Variants in MYO1D observed in about 807,000 individuals in gnomAD.
The protein encoded by MYO1D is unconventional myosin-Id.
In MYO1D, 83 loss-of-function variants were observed where a neutral mutation model predicts 122.0. The observed-to-expected ratio is 0.68, with a 90% CI of 0.57 to 0.82. The LOEUF (loss-of-function observed/expected upper bound fraction) is 0.82. Among genes scored for constraint, MYO1D ranks in the 40% least tolerant of loss-of-function variants. MYO1D has a pLI of 0.00. For missense variants in MYO1D, 1,157 were observed against 1,269.5 expected, an observed-to-expected ratio of 0.91 and a Z score of 1.35; for synonymous variants, 464 against 446.9, an observed-to-expected ratio of 1.04 and a Z score of -0.48.
intron 1 of MYO1D, among the ~76,000 whole-genome samples, chr17:32,830,954 G>A (rs916882418): frequency 6.6e-5 from 10 of 152,056 alleles, no homozygotes; most frequent in Non-Finnish European, 1.3e-4. Flanking sequence ...TACTTGGGAG[G>A]CTGAGGCAGG....
intron 12 of MYO1D, among the ~76,000 whole-genome samples, chr17:32,747,034 TG>T (rs1179457433): frequency 6.6e-6 from 1 of 152,206 alleles, no homozygotes; most frequent in Non-Finnish European, 1.5e-5. Context: ...TGTATAGTAC[TG>T]GATCTTCCCT....
intron 16 of MYO1D, among the ~76,000 whole-genome samples, chr17:32,675,047 G>A (rs945222525): frequency 8.5e-5 from 13 of 152,140 alleles, no homozygotes; most frequent in African/African-American, 2.9e-4. Context: ...TTTTTCAACA[G>A]TACAAGTTTA....
At chr17:32,501,540 G>A (rs1191242373) in intron 21 of MYO1D, among the ~76,000 whole-genome samples, 1 of 152,152 alleles carries the variant, frequency 6.6e-6, no homozygotes, top group Non-Finnish European at 1.5e-5. Context: ...CGACACAGTT[G>A]TCCATGCTTC....
chr17:32,876,867 C>T lies in MYO1D; in HGVS notation c.6G>A (p.Ala2=). ...TGCCGAATTCCAGGCTCTCCTGCTCCGCCATGGCGCCAGCGCGGGGGCTCA... is the reference window on the plus strand; with the variant it reads ...TGCCGAATTCCAGGCTCTCCTGCTCTGCCATGGCGCCAGCGCGGGGGCTCA... M[A]EQESLEFGKA... is the part of the protein sequence containing the mutation. Residue 2 remains alanine, a synonymous_variant, in exon 1 of 22, where the codon GCG becomes GCA. Transcript: ENST00000318217. 6.7e-7 allele frequency: 1 copy of T among 1,486,384 alleles called. No individual in the cohort carries two copies. The highest frequency in any genetic ancestry group is 9.0e-7 in the Non-Finnish European group (1 of 1,113,316). The allele number at this position is 1,486,384 out of a possible 1,614,324, so 92.1% of individuals were successfully genotyped here.
rs186040850 is a variant in MYO1D at position 32,872,572 on chromosome 17, C to A, written c.95+4206G>T. 5.8e-3 allele frequency among the ~76,000 whole-genome samples: 878 copies of A among 151,718 alleles called. 8 individuals carry two copies. Among genetic ancestry groups the A allele is most frequent in the Middle Eastern group, 0.038 (11 of 290 alleles). ...TACAGGCGTGAGCCACCGCGCCCGGCCGCAGGTTTTGTTATAAAGCAAGAA... is the reference window on the plus strand; with the variant it reads ...TACAGGCGTGAGCCACCGCGCCCGGACGCAGGTTTTGTTATAAAGCAAGAA... On this transcript the variant is annotated intron_variant, in intron 1 of 21. Transcript: ENST00000318217.
chr17:32,653,756 G>T, intron 19 of MYO1D, 87 bp downstream of exon 19: 1 of 1,129,632 alleles, frequency 8.9e-7, no homozygotes, highest in Non-Finnish European at 1.3e-6. Flanking sequence ...TGTACCTACT[G>T]TTATGTTTTA....
At chr17:32,687,169 C>T (rs951875851) in intron 16 of MYO1D, among the ~76,000 whole-genome samples, 3 of 149,652 alleles carry the variant, frequency 2.0e-5, no homozygotes, top group Non-Finnish European at 4.4e-5. Flanking sequence ...GCTAGTACCA[C>T]AGGCAAGGGC....
intron 21 of MYO1D, among the ~76,000 whole-genome samples, chr17:32,506,322 A>C (rs1386821645): frequency 6.6e-6 from 1 of 152,236 alleles, no homozygotes; most frequent in Non-Finnish European, 1.5e-5. Flanking sequence ...ATCCTGGATA[A>C]CAGCAGCATG....
intron 1 of MYO1D, among the ~76,000 whole-genome samples, chr17:32,814,487 G>A (rs994658781): frequency 1.3e-5 from 2 of 152,130 alleles, no homozygotes; most frequent in Admixed American, 6.5e-5. Flanking sequence ...CTTATAAAAC[G>A]GTGTGAGAGG....
At chr17:32,813,429 T>C (rs9892149) in intron 1 of MYO1D, among the ~76,000 whole-genome samples, 5,470 of 152,208 alleles carry the variant, frequency 0.036, 321 homozygotes, top group African/African-American at 0.12. Flanking sequence ...GAGAAGGTGA[T>C]CCCAGAAGTA....
intron 1 of MYO1D, among the ~76,000 whole-genome samples, chr17:32,850,227 A>G (rs1324023414): frequency 6.6e-6 from 1 of 152,198 alleles, no homozygotes; most frequent in Non-Finnish European, 1.5e-5. Context: ...GATGTCACTC[A>G]AGACCATGTA....
chr17:32,542,003 C>G (rs1910851250), intron 21 of MYO1D, among the ~76,000 whole-genome samples: 1 of 152,146 alleles, frequency 6.6e-6, no homozygotes, highest in South Asian at 2.1e-4. Context: ...TAGCTCTTTC[C>G]AGGAAGCTCC....
At chr17:32,822,532 G>A (rs1416761145) in intron 1 of MYO1D, among the ~76,000 whole-genome samples, 13 of 143,548 alleles carry the variant, frequency 9.1e-5, no homozygotes, top group Non-Finnish European at 4.7e-5. Context: ...CCTCCTCCCC[G>A]TTCACTGCCG....
chr17:32,723,218 T>C (rs1330253645), intron 14 of MYO1D, among the ~76,000 whole-genome samples: 1 of 152,130 alleles, frequency 6.6e-6, no homozygotes, highest in African/African-American at 2.4e-5. Flanking sequence ...GTCATGGGAA[T>C]CCTCAAATTT....
intron 2 of MYO1D, among the ~76,000 whole-genome samples, chr17:32,779,730 C>T (rs1330488113): frequency 1.3e-5 from 2 of 151,978 alleles, no homozygotes; most frequent in African/African-American, 2.4e-5. Context: ...AAAACATAGT[C>T]CTAGGATATA....
intron 21 of MYO1D, among the ~76,000 whole-genome samples, chr17:32,582,527 T>C (rs1371723077): frequency 6.6e-6 from 1 of 152,190 alleles, no homozygotes; most frequent in Non-Finnish European, 1.5e-5. Flanking sequence ...AGATTTTGAA[T>C]GCTTTTACAT....
intron 20 of MYO1D, among the ~76,000 whole-genome samples, chr17:32,605,941 C>A (rs554471962): frequency 1.6e-4 from 24 of 151,094 alleles, no homozygotes; most frequent in East Asian, 7.8e-4. Flanking sequence ...AAAAAACACA[C>A]AAAAAAACAT....
intron 1 of MYO1D, among the ~76,000 whole-genome samples, chr17:32,843,996 T>C (rs1006489776): frequency 9.9e-5 from 15 of 151,382 alleles, no homozygotes; most frequent in Non-Finnish European, 1.6e-4. Flanking sequence ...ATTTTATATA[T>C]ACACATATAC....
At chr17:32,674,288 T>G (rs1009239887) in intron 16 of MYO1D, among the ~76,000 whole-genome samples, 1 of 152,200 alleles carries the variant, frequency 6.6e-6, no homozygotes, top group African/African-American at 2.4e-5. Context: ...GATGCAACAT[T>G]AGATGATTCA....
Sources: allele counts gnomAD v4.1 joint callset (sites outside exome capture counted in the v4.1 genomes callset), GRCh38; gene constraint gnomAD v4.1.1; transcripts MANE v1.5; gene names NCBI Gene and HGNC (gene_info 2026-07-23, HGNC 2026-07-21).